LAP3: variants seen among roughly 807,000 people sequenced by gnomAD.
LAP3 encodes leucine aminopeptidase 3.
Under a neutral mutation model 58.8 loss-of-function variants are expected in LAP3, and 46 were observed. The observed-to-expected ratio is 0.78, with a 90% confidence interval of 0.62 to 1.00. The LOEUF (loss-of-function observed/expected upper bound fraction) is 1.00, where lower values mean the gene tolerates loss of function less well. Among genes scored for constraint, LAP3 ranks in the 50% least tolerant of loss-of-function variants. The pLI is 0.00. For synonymous variants in LAP3, 257 were observed against 237.7 expected (o/e 1.08, Z -0.75); for missense variants, 615 against 659.1 (o/e 0.93, Z 0.73).
At chr4:17,598,994 T>A (rs961457277) in intron 10 of LAP3, among the ~76,000 whole-genome samples, 2 of 152,126 alleles carry the variant, frequency 1.3e-5, no homozygotes, top group African/African-American at 4.8e-5. Flanking sequence ...CGCCTCAGCC[T>A]CCCAAAGTGC....
chr4:17,585,983 CCTATCATCA>C (rs1226150036), intron 6 of LAP3: 1 of 152,126 alleles, frequency 6.6e-6, no homozygotes, highest in East Asian at 1.9e-4. Flanking sequence ...GTGAATTATT[CCTATCATCA>C]CTTTTGGACA....
intron 7 of LAP3, among the ~76,000 whole-genome samples, chr4:17,593,609 G>T (rs1165290019): frequency 1.5e-4 from 13 of 87,584 alleles, no homozygotes; most frequent in South Asian, 4.2e-4. Flanking sequence ...ATCTGCTTGG[G>T]TTTTTTTTTT....
rs144024007 is a variant in LAP3, at chr4:17,598,206, C to G, written c.1078-250C>G. Among the ~76,000 whole-genome samples, 4 of 152,084 alleles carry G rather than the reference C, an allele frequency of 2.6e-5. No homozygotes were observed. In the East Asian group the frequency reaches 7.7e-4, roughly 29 times the overall value. ...TAGAAATGGGGTTTCACCATCTTGC[C>G]TAGGCTGGTGTCGAGCTCCTGGGCT... is the stretch of plus-strand genomic sequence containing the variant. On this transcript the variant is annotated intron_variant, in intron 9 of 12. Transcript: ENST00000226299.
chr4:17,604,781 G>A (rs1346105781), intron 11 of LAP3, 114 bp downstream of exon 11: 12 of 793,942 alleles, frequency 1.5e-5, no homozygotes, highest in Non-Finnish European at 2.5e-5. Flanking sequence ...CCGCAGGTTT[G>A]CCTTTGAATT....
At chr4:17,594,678 A>C (rs944784314) in intron 7 of LAP3, among the ~76,000 whole-genome samples, 1 of 152,184 alleles carries the variant, frequency 6.6e-6, no homozygotes, top group Non-Finnish European at 1.5e-5. Context: ...ACTGTCTCTC[A>C]GCCATTGGGC....
In LAP3 at chr4:17,582,338, C is replaced by G. The variant is rs1457183204; in HGVS notation, c.324C>G (p.Ile108Met). The G allele has an allele frequency of 2.5e-6, 4 of 1,613,948 alleles. No individual in the cohort carries two copies. Among genetic ancestry groups the G allele is most frequent in the Non-Finnish European group, 3.4e-6 (4 of 1,179,996 alleles). ...LVGLGKKAAG[I>M]DEQENWHEGK... ...GCCTCGGCAAAAAGGCAGCTGGAAT[C>G]GACGAACAGGAAAACTGGCATGAAG... The change falls in exon 4 of 13, where the codon ATC becomes ATG. Residue 108 changes from isoleucine (I) to methionine (M), a missense_variant. By Grantham distance (10) the Ile-to-Met change is conservative. Transcript: ENST00000226299.
intron 1 of LAP3, 23 bp downstream of exon 1, chr4:17,577,590 T>C: frequency 6.6e-7 from 1 of 1,515,500 alleles, no homozygotes; most frequent in East Asian, 2.6e-5. Flanking sequence ...GGCTCGCTCA[T>C]GGTCCGCCGC....
intron 11 of LAP3, 82 bp downstream of exon 11, chr4:17,604,749 C>CTG: frequency 9.1e-7 from 1 of 1,098,506 alleles, no homozygotes; most frequent in South Asian, 1.3e-5. Flanking sequence ...TTCTTCAACC[C>CTG]TGTGTTAAAG....
At chr4:17,593,860 G>A (rs1236416993) in intron 7 of LAP3, among the ~76,000 whole-genome samples, 1 of 152,002 alleles carries the variant, frequency 6.6e-6, no homozygotes, top group African/African-American at 2.4e-5. Flanking sequence ...TGATTTGCCT[G>A]CCTCAGCCTC....
Position 17,597,041 on chromosome 4 carries a change from A to C in LAP3, c.989-5A>C. 6.2e-7 allele frequency: 1 copy of C among 1,614,110 alleles called. No individual in the cohort carries two copies. Among genetic ancestry groups the C allele is most frequent in the Non-Finnish European group, 8.5e-7 (1 of 1,179,948 alleles). On this transcript the variant is annotated splice_region_variant and splice_polypyrimidine_tract_variant and intron_variant, in intron 8 of 12. Transcript: ENST00000226299. ...CTGTGTGCCTTCATATATTATTTCC[A>C]ATAGGTCTGGCCCCTCTTTGTGAAA... is the stretch of plus-strand genomic sequence containing the variant.
At position 17,577,452 on chromosome 4, in the gene LAP3, G is replaced by T. The variant is rs764595342; in HGVS notation, c.-14G>T. 1.9e-6 allele frequency: 3 copies of T among 1,544,160 alleles called. No homozygotes were observed. Among genetic ancestry groups the T allele is most frequent in the Non-Finnish European group, 2.6e-6 (3 of 1,145,182 alleles). On this transcript the variant is annotated 5_prime_UTR_variant, in exon 1 of 13. Transcript: ENST00000226299. ...TGCTCGCTGGAGGGCGGTGCGAGGG[G>T]CCGAGCCGACAAGATGTTCTTGCTG... is the stretch of plus-strand genomic sequence containing the variant.
At chr4:17,594,081 G>GTA (rs1268290500) in intron 7 of LAP3, among the ~76,000 whole-genome samples, 3 of 152,202 alleles carry the variant, frequency 2.0e-5, no homozygotes, top group African/African-American at 7.2e-5. Context: ...ACAGAGGGTA[G>GTA]TAGCATCAAT....
In LAP3 at chr4:17,583,642, G is replaced by A; in HGVS notation, c.539G>A (p.Ser180Asn). 4 of 1,611,898 alleles carry A rather than the reference G, an allele frequency of 2.5e-6. No homozygotes were observed. Among genetic ancestry groups the A allele is most frequent in the Non-Finnish European group, 3.4e-6 (4 of 1,179,996 alleles). Reference sequence around the variant, plus strand: ...GCTGTGTCGGCAAAGCTCTATGGAAGGTGATGGAAGCAAATTAGGAGGAGG... The same window carrying A: ...GCTGTGTCGGCAAAGCTCTATGGAAAGTGATGGAAGCAAATTAGGAGGAGG... ...KMAVSAKLYGSGDQEAWQKGV... is the reference protein window; with the variant it reads ...KMAVSAKLYGNGDQEAWQKGV... The change falls in exon 5 of 13, where the codon AGT becomes AAT. Residue 180 changes from serine (S) to asparagine (N), a missense_variant and splice_region_variant. By Grantham distance (46) the Ser-to-Asn change is conservative. Transcript: ENST00000226299.
intron 10 of LAP3, among the ~76,000 whole-genome samples, chr4:17,601,801 C>T (rs12500947): frequency 0.65 from 98,246 of 151,836 alleles, 32,272 homozygotes; most frequent in East Asian, 0.93. Context: ...AAAAAAAGTC[C>T]GTGTATGTTC....
chr4:17,607,334 C>G (rs1714166627), intron 12 of LAP3, 66 bp from the exon 13 acceptor site: 2 of 1,438,992 alleles, frequency 1.4e-6, no homozygotes, highest in Non-Finnish European at 1.9e-6. Flanking sequence ...ATGTACTTAG[C>G]AAAAATGTGG....
chr4:17,580,179 T>TATATATATACACATATATATATATAC (rs1713315882), intron 2 of LAP3, among the ~76,000 whole-genome samples: 1 of 65,518 alleles, frequency 1.5e-5, no homozygotes, highest in African/African-American at 8.7e-5. Context: ...TATATATATA[T>TATATATATACACATATATATATATAC]ATGTATTTTT....
At chr4:17,578,173 C>G (rs1713262563) in intron 1 of LAP3, among the ~76,000 whole-genome samples, 1 of 152,210 alleles carries the variant, frequency 6.6e-6, no homozygotes, top group South Asian at 2.1e-4. Flanking sequence ...GCTCTCGGAA[C>G]CAGCACAAGC....
Position 17,577,456 on chromosome 4 carries a change from A to G in LAP3, c.-10A>G. 1 of 1,554,006 alleles carries G rather than the reference A, an allele frequency of 6.4e-7. No homozygotes were observed. Among genetic ancestry groups the G allele is most frequent in the Non-Finnish European group, 8.7e-7 (1 of 1,150,874 alleles). On this transcript the variant is annotated 5_prime_UTR_variant, in exon 1 of 13. Coordinates refer to ENST00000226299, the MANE Select transcript of LAP3 (RefSeq NM_015907.3). Reference sequence around the variant, plus strand: ...CGCTGGAGGGCGGTGCGAGGGGCCGAGCCGACAAGATGTTCTTGCTGCCTC... The same window carrying G: ...CGCTGGAGGGCGGTGCGAGGGGCCGGGCCGACAAGATGTTCTTGCTGCCTC...
intron 3 of LAP3, 31 bp downstream of exon 3, chr4:17,581,845 C>G: frequency 6.4e-7 from 1 of 1,564,358 alleles, no homozygotes; most frequent in South Asian, 1.1e-5. Context: ...TTTGGTAAAC[C>G]CTCAATGAGC....
Sources: allele counts gnomAD v4.1 joint callset (sites outside exome capture counted in the v4.1 genomes callset), GRCh38; gene constraint gnomAD v4.1.1; transcripts MANE v1.5; gene names NCBI Gene and HGNC (gene_info 2026-07-23, HGNC 2026-07-21).